Variants in EPB41L5 observed in about 807,000 individuals in gnomAD.
EPB41L5 encodes the protein band 4.1-like protein 5.
In EPB41L5, 55 loss-of-function variants were observed where a neutral mutation model predicts 106.6. The ratio of observed to expected loss-of-function variants is 0.52; its 90% CI spans 0.42 to 0.65. EPB41L5 has a LOEUF of 0.65. Among genes scored for constraint, EPB41L5 ranks in the 30% least tolerant of loss-of-function variants. The pLI, the probability that EPB41L5 is intolerant of heterozygous loss-of-function variation, is 0.00. For missense variants in EPB41L5, 871 were observed against 882.1 expected (o/e 0.99, Z 0.16); for synonymous variants, 297 against 306.7 (o/e 0.97, Z 0.33).
chr2:120,073,371 A>C (rs1682011487), intron 4 of EPB41L5, 151 bp downstream of exon 4: 1 of 683,058 alleles, frequency 1.5e-6, no homozygotes, highest in African/African-American at 1.8e-5. Flanking sequence ...ACACTGAGCT[A>C]CTCCCCAAGT....
At chr2:120,072,009 A>G (rs1202564647) in intron 3 of EPB41L5, among the ~76,000 whole-genome samples, 5 of 152,198 alleles carry the variant, frequency 3.3e-5, no homozygotes, top group Non-Finnish European at 7.4e-5. Context: ...AAAATGTACA[A>G]TGTACAGAAA....
chr2:120,133,504 C>T (rs139986575), intron 18 of EPB41L5, among the ~76,000 whole-genome samples: 4 of 152,124 alleles, frequency 2.6e-5, no homozygotes, highest in Non-Finnish European at 4.4e-5. Context: ...GTCTGTCTGT[C>T]GGAATGGAAA....
intron 14 of EPB41L5, among the ~76,000 whole-genome samples, chr2:120,095,660 A>C (rs1189483423): frequency 6.6e-6 from 1 of 151,694 alleles, no homozygotes; most frequent in Non-Finnish European, 1.5e-5. Context: ...CCATTAATTA[A>C]ATTTAATTAA....
chr2:120,147,314 G>A (rs768381660), intron 20 of EPB41L5, among the ~76,000 whole-genome samples: 6 of 152,152 alleles, frequency 3.9e-5, no homozygotes, highest in African/African-American at 7.2e-5. Context: ...GCACCACTGC[G>A]CTTCATTCTG....
chr2:120,053,288 A>G (rs1196223949), intron 3 of EPB41L5, among the ~76,000 whole-genome samples: 1 of 152,210 alleles, frequency 6.6e-6, no homozygotes, highest in Non-Finnish European at 1.5e-5. Context: ...TAAGTAAAAG[A>G]AGGAGTTGGT....
At chr2:120,145,309 T>C (rs1353727662) in intron 19 of EPB41L5, among the ~76,000 whole-genome samples, 1 of 152,192 alleles carries the variant, frequency 6.6e-6, no homozygotes, top group Non-Finnish European at 1.5e-5. Context: ...ATGAAATAGC[T>C]AAAAACAGAT....
Position 120,078,521 on chromosome 2 carries a change from G to T in EPB41L5, c.743G>T (p.Gly248Val). Reference sequence around the variant, plus strand: ...AGAGATGGGAATGACTATAGTTTGGGACTAACACCAACAGGAGTCCTTGTT... The same window carrying T: ...AGAGATGGGAATGACTATAGTTTGGTACTAACACCAACAGGAGTCCTTGTT... ...KARDGNDYSL[G>V]LTPTGVLVFE... The change falls in exon 10 of 25, where the codon GGA (glycine) becomes GTA (valine). Residue 248 changes from glycine (G) to valine (V), a missense_variant. By Grantham distance (109) the Gly-to-Val change is moderately radical (BLOSUM62 -3). Coordinates refer to ENST00000263713, the MANE Select transcript of EPB41L5 (RefSeq NM_020909.4). 2 of 1,609,342 alleles carry T rather than the reference G, an allele frequency of 1.2e-6. No individual in the cohort carries two copies. The highest frequency in any genetic ancestry group is 2.2e-5 in the South Asian group (2 of 90,314).
chr2:120,025,532 G>T (rs768757340), intron 2 of EPB41L5, among the ~76,000 whole-genome samples: 1 of 152,038 alleles, frequency 6.6e-6, no homozygotes, highest in Non-Finnish European at 1.5e-5. Flanking sequence ...TGTAATTGGG[G>T]CATTTAGCCC....
intron 1 of EPB41L5, among the ~76,000 whole-genome samples, chr2:120,018,690 G>T (rs1558797142): frequency 6.6e-6 from 1 of 151,548 alleles, no homozygotes; most frequent in East Asian, 1.9e-4. Flanking sequence ...TCTGTTGCCT[G>T]AGCTGGAATG....
chr2:120,019,193 G>A lies in EPB41L5; in HGVS notation c.109G>A (p.Gly37Arg). ...CGCCGCCACACATATTCCTGCAGCT[G>A]GAGATTCTAAGTCCATCATCACGTG... ...QRAATHIPAA[G>R]DSKSIITCRV... The change falls in exon 2 of 25, where the codon GGA becomes AGA. Residue 37 changes from glycine (G) to arginine (R), a missense_variant. Coordinates refer to ENST00000263713, the MANE Select transcript of EPB41L5 (RefSeq NM_020909.4). 6.2e-7 allele frequency: 1 copy of A among 1,614,020 alleles called. No homozygotes were observed. Among genetic ancestry groups the A allele is most frequent in the Non-Finnish European group, 8.5e-7 (1 of 1,180,000 alleles).
chr2:120,151,022 A>C (rs1329329066), intron 20 of EPB41L5, among the ~76,000 whole-genome samples: 1 of 152,084 alleles, frequency 6.6e-6, no homozygotes, highest in Non-Finnish European at 1.5e-5. Context: ...TCTTCTGTCT[A>C]TTTTCAGTTA....
intron 10 of EPB41L5, among the ~76,000 whole-genome samples, chr2:120,082,152 T>G (rs1682717249): frequency 6.6e-6 from 1 of 152,170 alleles, no homozygotes. Flanking sequence ...CTATGTTGAA[T>G]AGGAGTGGTG....
chr2:120,014,864 A>T (rs998861840), intron 1 of EPB41L5, among the ~76,000 whole-genome samples: 5 of 152,136 alleles, frequency 3.3e-5, no homozygotes, highest in Non-Finnish European at 5.9e-5. Flanking sequence ...AACAGGGATC[A>T]GATTTGTGGT....
chr2:120,115,913 G>A (rs1328283706), intron 16 of EPB41L5, among the ~76,000 whole-genome samples: 1 of 152,014 alleles, frequency 6.6e-6, no homozygotes, highest in African/African-American at 2.4e-5. Flanking sequence ...AGGTTCAGGC[G>A]ATTCTCATAC....
chr2:120,016,937 G>A (rs1395623466), intron 1 of EPB41L5, among the ~76,000 whole-genome samples: 1 of 152,176 alleles, frequency 6.6e-6, no homozygotes, highest in Non-Finnish European at 1.5e-5. Context: ...ACACTGGAAA[G>A]TTATCTAACT....
chr2:120,174,888 TACTGACC>T lies in EPB41L5; in HGVS notation c.2189_2195del (p.Thr730SerfsTer6). The T allele has an allele frequency of 2.5e-6, 4 of 1,614,194 alleles. No individual in the cohort carries two copies. The highest frequency in any genetic ancestry group is 3.4e-6 in the Non-Finnish European group (4 of 1,180,024). The stretch of plus-strand genomic sequence containing the variant: ...GAAGCTGTCCTGAAGCAGAAGTGTT[TACTGACC>T]ACTGAGCTCTGAGGGCCTGTAGCTG... On this transcript the variant is annotated frameshift_variant, in exon 25 of 25. Transcript: ENST00000263713. LOFTEE classifies it high-confidence loss of function.
chr2:120,091,121 T>G (rs2105367691), intron 12 of EPB41L5, among the ~76,000 whole-genome samples: 1 of 152,314 alleles, frequency 6.6e-6, no homozygotes, highest in South Asian at 2.1e-4. Flanking sequence ...CTAAACAGAA[T>G]TTAAATGGAA....
At chr2:120,074,785 T>C (rs191268047) in intron 5 of EPB41L5, among the ~76,000 whole-genome samples, 3 of 152,328 alleles carry the variant, frequency 2.0e-5, no homozygotes, top group Admixed American at 1.3e-4. Context: ...TAGAACACCT[T>C]GACAATGAGA....
Position 120,019,181 on chromosome 2 carries a change from A to T in EPB41L5, c.97A>T (p.Ile33Phe), listed in dbSNP as rs1432010489. 1 of 1,613,924 alleles carries T rather than the reference A, an allele frequency of 6.2e-7. No homozygotes were observed. The highest frequency in any genetic ancestry group is 1.3e-5 in the African/African-American group (1 of 74,938). ...LREAQRAATH[I>F]PAAGDSKSII... ...AGAAGCACAACGCGCCGCCACACATATTCCTGCAGCTGGAGATTCTAAGTC... is the reference window on the plus strand; with the variant it reads ...AGAAGCACAACGCGCCGCCACACATTTTCCTGCAGCTGGAGATTCTAAGTC... Residue 33 changes from isoleucine (I) to phenylalanine (F), a missense_variant, in exon 2 of 25, where the codon ATT becomes TTT. By Grantham distance (21) the Ile-to-Phe change is conservative. Coordinates refer to ENST00000263713, the MANE Select transcript of EPB41L5 (RefSeq NM_020909.4).
Sources: allele counts gnomAD v4.1 joint callset (sites outside exome capture counted in the v4.1 genomes callset), GRCh38; gene constraint gnomAD v4.1.1; transcripts MANE v1.5; gene names NCBI Gene and HGNC (gene_info 2026-07-23, HGNC 2026-07-21).